The following OTUD7B variants were observed in gnomAD, a reference collection of about 807,000 sequenced individuals.
The protein encoded by OTUD7B is OTU deubiquitinase 7B.
Under a neutral mutation model 82.2 loss-of-function variants are expected in OTUD7B, and 34 were observed. The observed-to-expected ratio is 0.41, with a 90% CI of 0.31 to 0.55. The LOEUF is 0.55. OTUD7B is among the 20% of genes least tolerant of loss of function. OTUD7B has a pLI of 0.20. For synonymous variants in OTUD7B, 398 were observed against 402.7 expected, an observed-to-expected ratio of 0.99 and a Z score of 0.14; for missense variants, 944 against 1,062.1, an observed-to-expected ratio of 0.89 and a Z score of 1.55.
At chr1:150,036,646 T>C in the OTUD7B span, among the ~76,000 whole-genome samples, 1 of 152,336 alleles carries the variant, frequency 6.6e-6, no homozygotes, top group East Asian at 1.9e-4. Flanking sequence ...GAAATTTTTA[T>C]GATCATAAAT....
chr1:150,008,509 C>G (rs1034181957), intron 1 of OTUD7B, among the ~76,000 whole-genome samples: 1 of 152,176 alleles, frequency 6.6e-6, no homozygotes, highest in African/African-American at 2.4e-5. Context: ...TACCAGTCAC[C>G]GGGCCTTATA....
chr1:150,013,064 A>T (rs1244181786), upstream of OTUD7B, among the ~76,000 whole-genome samples: 1 of 152,332 alleles, frequency 6.6e-6, no homozygotes, highest in East Asian at 1.9e-4. Context: ...TGTTTAATGT[A>T]GACATTGGCA....
rs1005965412 is a variant in OTUD7B at position 150,006,314 on chromosome 1, G to A, written c.-67+4134C>T. Reference sequence around the variant, plus strand: ...CTACTAAAAATACAAAAAATTAACCGGGCGTGGTGGTGGGCGCCTGTAGTC... The same window carrying A: ...CTACTAAAAATACAAAAAATTAACCAGGCGTGGTGGTGGGCGCCTGTAGTC... On this transcript the variant is annotated intron_variant, in intron 1 of 11. Coordinates refer to ENST00000581312, the MANE Select transcript of OTUD7B (RefSeq NM_020205.4). Among the ~76,000 whole-genome samples, 17 of 152,152 alleles carry A rather than the reference G, an allele frequency of 1.1e-4. No individual in the cohort carries two copies. In the East Asian group the frequency reaches 1.2e-3, roughly 10 times the overall value.
the OTUD7B span, among the ~76,000 whole-genome samples, chr1:150,029,597 G>A: frequency 4.6e-5 from 7 of 152,294 alleles, no homozygotes; most frequent in South Asian, 6.2e-4. Flanking sequence ...CAAGGAAAGC[G>A]TTTATTTGCC....
At chr1:150,045,835 A>G in the OTUD7B span, among the ~76,000 whole-genome samples, 1 of 152,216 alleles carries the variant, frequency 6.6e-6, no homozygotes. Flanking sequence ...ACATCCTCAT[A>G]TGAACAAAAA....
the OTUD7B span, among the ~76,000 whole-genome samples, chr1:150,049,402 A>T: frequency 3.3e-4 from 50 of 152,262 alleles, no homozygotes; most frequent in Non-Finnish European, 5.7e-4. Context: ...GGATGTTGCT[A>T]TATACTTTTA....
In OTUD7B at chr1:149,951,001, T is replaced by TTG. The variant is rs1388877490; in HGVS notation, c.846-781_846-780insCA. Among the ~76,000 whole-genome samples the TTG allele has an allele frequency of 1.2e-3, 76 of 63,716 alleles. 29 individuals are homozygous for TTG. Among genetic ancestry groups the TTG allele is most frequent in the African/African-American group, 5.2e-3 (74 of 14,354 alleles). The allele number at this position is 63,716 out of a possible 152,430, so 41.8% of individuals were successfully genotyped here. A position where few individuals can be genotyped will look rare whatever the true frequency, so the allele number is the denominator to read the frequency against. ...TATTTTTTTTTTTTTTTTTTTTTTG[T>TTG]AGATGGAGTCTCACTCTTTCGCCCA... On this transcript the variant is annotated intron_variant, in intron 7 of 11. Transcript: ENST00000581312.
At chr1:150,050,026 G>A in the OTUD7B span, among the ~76,000 whole-genome samples, 1 of 152,058 alleles carries the variant, frequency 6.6e-6, no homozygotes, top group Non-Finnish European at 1.5e-5. Flanking sequence ...AGCCTAGGCA[G>A]AACAGTGAGA....
intron 1 of OTUD7B, among the ~76,000 whole-genome samples, chr1:149,984,092 C>T (rs1163895696): frequency 2.6e-5 from 4 of 152,178 alleles, no homozygotes; most frequent in African/African-American, 9.7e-5. Context: ...AGCCACCTTG[C>T]TTTTATTGAA....
chr1:150,026,792 G>T, the OTUD7B span, among the ~76,000 whole-genome samples: 2 of 152,094 alleles, frequency 1.3e-5, no homozygotes, highest in African/African-American at 4.8e-5. Flanking sequence ...CCAAGCTCTT[G>T]GTGCCAGTCA....
In OTUD7B at chr1:149,950,970, T is replaced by TTTTTG. The variant is rs1648178861; in HGVS notation, c.846-754_846-750dup. ...CCTCGCCCGGTCTAATTTTTTGTAC[T>TTTTTG]TTTTGTATTTTTTTTTTTTTTTTTT... On this transcript the variant is annotated intron_variant, in intron 7 of 11. Coordinates refer to ENST00000581312, the MANE Select transcript of OTUD7B (RefSeq NM_020205.4). 1.4e-4 allele frequency among the ~76,000 whole-genome samples: 4 copies of TTTTTG among 28,952 alleles called. No homozygotes were observed. The Admixed American group carries it at 2.0e-3, about 14-fold the overall frequency. The allele number at this position is 28,952 out of a possible 152,430, so 19.0% of individuals were successfully genotyped here.
Position 150,010,653 on chromosome 1 carries a change from G to C in OTUD7B, c.-272C>G, listed in dbSNP as rs1247006845. 2 of 152,802 alleles carry C rather than the reference G, an allele frequency of 1.3e-5. No homozygotes were observed. Among genetic ancestry groups the C allele is most frequent in the African/African-American group, 4.8e-5 (2 of 41,448 alleles). 9.5% of individuals were successfully genotyped at this position (152,802 alleles called of 1,614,324 possible). ...AGCCAGAAAGGACTGATCGGGACTGGCCTCCCCCAGTGGCTTTTTGCCCAC... is the reference window on the plus strand; with the variant it reads ...AGCCAGAAAGGACTGATCGGGACTGCCCTCCCCCAGTGGCTTTTTGCCCAC... On this transcript the variant is annotated 5_prime_UTR_variant, in exon 1 of 12. Coordinates refer to ENST00000581312, the MANE Select transcript of OTUD7B (RefSeq NM_020205.4).
the OTUD7B span, among the ~76,000 whole-genome samples, chr1:150,062,827 G>A: frequency 7.0e-6 from 1 of 142,058 alleles, no homozygotes; most frequent in Non-Finnish European, 1.5e-5. Flanking sequence ...CGATTCTCCT[G>A]CCTCAGCCTC....
chr1:150,010,846 G>A (rs1229387095), upstream of OTUD7B, among the ~76,000 whole-genome samples: 2 of 152,126 alleles, frequency 1.3e-5, no homozygotes, highest in Non-Finnish European at 2.9e-5. Flanking sequence ...CGCCTTTAGC[G>A]CCGCTCCCCA....
chr1:150,060,561 C>T, the OTUD7B span, among the ~76,000 whole-genome samples: 1 of 152,156 alleles, frequency 6.6e-6, no homozygotes, highest in African/African-American at 2.4e-5. Flanking sequence ...TTCGTTATTG[C>T]AGCCCTCTCA....
At chr1:149,964,970 T>C (rs782775424) in intron 5 of OTUD7B, among the ~76,000 whole-genome samples, 1 of 150,646 alleles carries the variant, frequency 6.6e-6, no homozygotes, top group Non-Finnish European at 1.5e-5. Flanking sequence ...GCTCACTCAC[T>C]GCAACCTCTG....
chr1:149,956,249 G>A (rs1289675652), intron 7 of OTUD7B, among the ~76,000 whole-genome samples: 1 of 152,096 alleles, frequency 6.6e-6, no homozygotes, highest in African/African-American at 2.4e-5. Context: ...AAATCTCTCA[G>A]CATTTGCGTG....
chr1:149,943,674 C>G lies in OTUD7B; in HGVS notation c.*183G>C. On this transcript the variant is annotated 3_prime_UTR_variant, in exon 12 of 12. Coordinates refer to ENST00000581312, the MANE Select transcript of OTUD7B (RefSeq NM_020205.4). ...AATAGTACAGCCCCTGAGGTGCCAT[C>G]CAGCCCCGACCTGCTCTTGCCAGCC... is the stretch of plus-strand genomic sequence containing the variant. The G allele has an allele frequency of 1.6e-6, 1 of 641,372 alleles. No homozygotes were observed. Among genetic ancestry groups the G allele is most frequent in the Non-Finnish European group, 2.7e-6 (1 of 365,616 alleles). 39.7% of individuals were successfully genotyped at this position (641,372 alleles called of 1,614,324 possible).
In OTUD7B at chr1:149,950,176, A is replaced by C; in HGVS notation, c.891T>G (p.Phe297Leu). ...GCACATGAGCAAGGACAAAGACGTG[A>C]AACTCTTCAAGGCTCTCATATACAG... Reference protein sequence around the residue: ...EEPVYESLEEFHVFVLAHVLR... With the variant: ...EEPVYESLEELHVFVLAHVLR... Residue 297 changes from phenylalanine (F) to leucine (L), a missense_variant, in exon 8 of 12, where the codon TTT becomes TTG. Phe to Leu is a conservative substitution (Grantham distance 22). Around this residue, in one of 3 missense-constraint regions of OTUD7B, gnomAD observed 530 missense variants for 625.6 expected, o/e 0.85. Transcript: ENST00000581312. 6.2e-7 allele frequency: 1 copy of C among 1,614,132 alleles called. No individual in the cohort carries two copies. Among genetic ancestry groups the C allele is most frequent in the Non-Finnish European group, 8.5e-7 (1 of 1,179,996 alleles).
Sources: allele counts gnomAD v4.1 joint callset (sites outside exome capture counted in the v4.1 genomes callset), GRCh38; gene constraint gnomAD v4.1.1; regional missense constraint gnomAD v4.1.1; transcripts MANE v1.5; gene names NCBI Gene and HGNC (gene_info 2026-07-23, HGNC 2026-07-21).